Variants in PLXNC1 observed in about 807,000 individuals in gnomAD.
PLXNC1 encodes plexin C1.
A neutral mutation model predicts 178.2 loss-of-function variants in PLXNC1; 75 were observed. The observed-to-expected ratio is 0.42, with a 90% confidence interval of 0.35 to 0.51. The LOEUF (loss-of-function observed/expected upper bound fraction) is 0.51, where lower values mean the gene tolerates loss of function less well. PLXNC1 is among the 20% of genes least tolerant of loss of function. PLXNC1 has a pLI of 0.02. For missense variants in PLXNC1, 1,503 were observed against 1,984.4 expected, an observed-to-expected ratio of 0.76 and a Z score of 4.61; for synonymous variants, 790 against 779.9, an observed-to-expected ratio of 1.01 and a Z score of -0.22.
intron 9 of PLXNC1, among the ~76,000 whole-genome samples, chr12:94,234,577 A>G (rs1020511642): frequency 6.6e-6 from 1 of 152,194 alleles, no homozygotes; most frequent in African/African-American, 2.4e-5. Context: ...GAAGCACACT[A>G]TTCTGAGGTT....
intron 23 of PLXNC1, among the ~76,000 whole-genome samples, chr12:94,282,620 T>C (rs1368993303): frequency 6.6e-6 from 1 of 152,222 alleles, no homozygotes; most frequent in Non-Finnish European, 1.5e-5. Flanking sequence ...AGGCTATGAT[T>C]TTCTATCTCC....
chr12:94,233,490 A>C (rs1053096170), intron 9 of PLXNC1, among the ~76,000 whole-genome samples: 4 of 152,236 alleles, frequency 2.6e-5, no homozygotes, highest in Non-Finnish European at 5.9e-5. Context: ...TTGGCAGCCA[A>C]GTCAGCCTCC....
chr12:94,294,257 CT>C (rs1405110289), intron 23 of PLXNC1, among the ~76,000 whole-genome samples: 1 of 152,168 alleles, frequency 6.6e-6, no homozygotes, highest in African/African-American at 2.4e-5. Context: ...CTCCCATGGC[CT>C]CATCAGCCTC....
At chr12:94,209,465 C>T in intron 4 of PLXNC1, 125 bp from the exon 5 acceptor site, 4 of 656,680 alleles carry the variant, frequency 6.1e-6, no homozygotes, top group South Asian at 5.5e-5. Context: ...CAATAATCCA[C>T]TGTACAAGGT....
At position 94,279,300 on chromosome 12, in the gene PLXNC1, C is replaced by T. The variant is rs144871030; in HGVS notation, c.3598-172C>T. Among the ~76,000 whole-genome samples the T allele has an allele frequency of 5.2e-3, 797 of 152,170 alleles. 3 individuals carry two copies. Among genetic ancestry groups the T allele is most frequent in the Non-Finnish European group, 7.8e-3 (529 of 68,006 alleles). On this transcript the variant is annotated intron_variant, in intron 21 of 30. Coordinates refer to ENST00000258526, the MANE Select transcript of PLXNC1 (RefSeq NM_005761.3). Reference sequence around the variant, plus strand: ...ACTTTCTGTTTTCCCTTCCATTATCCCTGAAAAGAATGGATTATGGAGAAA... The same window carrying T: ...ACTTTCTGTTTTCCCTTCCATTATCTCTGAAAAGAATGGATTATGGAGAAA...
At chr12:94,281,150 A>G (rs1287662002) in intron 22 of PLXNC1, among the ~76,000 whole-genome samples, 2 of 152,190 alleles carry the variant, frequency 1.3e-5, no homozygotes, top group East Asian at 3.8e-4. Flanking sequence ...ATGGTGGTGC[A>G]CACCTGTGGT....
intron 4 of PLXNC1, among the ~76,000 whole-genome samples, chr12:94,190,620 A>G (rs750623043): frequency 6.6e-5 from 10 of 152,122 alleles, no homozygotes; most frequent in African/African-American, 1.9e-4. Flanking sequence ...AATCCAAATC[A>G]GATTATGTCA....
rs1968917322 is a variant in PLXNC1 at position 94,305,550 on chromosome 12, C to A, written c.*265C>A. On this transcript the variant is annotated 3_prime_UTR_variant, in exon 31 of 31. Coordinates refer to ENST00000258526, the MANE Select transcript of PLXNC1 (RefSeq NM_005761.3). ...CTCCTTGTTTACAGAGAATACAAGG[C>A]CAGTAAGCGAATGTCAGTATTGTAA... 1 of 383,984 alleles carries A rather than the reference C, an allele frequency of 2.6e-6. No homozygotes were observed. Among genetic ancestry groups the A allele is most frequent in the Non-Finnish European group, 4.7e-6 (1 of 211,372 alleles). The allele number at this position is 383,984 out of a possible 1,614,324, so 23.8% of individuals were successfully genotyped here.
At chr12:94,238,224 A>G (rs2136048271) in intron 10 of PLXNC1, among the ~76,000 whole-genome samples, 2 of 152,338 alleles carry the variant, frequency 1.3e-5, no homozygotes, top group African/African-American at 4.8e-5. Context: ...TTGAAAAAAC[A>G]AAACCTCTTG....
At chr12:94,232,804 T>C (rs1201522080) in intron 9 of PLXNC1, among the ~76,000 whole-genome samples, 1 of 152,204 alleles carries the variant, frequency 6.6e-6, no homozygotes, top group East Asian at 1.9e-4. Context: ...GAGCTCAGAG[T>C]ATCTAAGCCT....
intron 5 of PLXNC1, among the ~76,000 whole-genome samples, chr12:94,218,282 A>G (rs570797646): frequency 2.0e-5 from 3 of 152,064 alleles, no homozygotes; most frequent in Non-Finnish European, 2.9e-5. Context: ...GCATGATAAT[A>G]TGGCCAGAAC....
intron 1 of PLXNC1, among the ~76,000 whole-genome samples, chr12:94,154,874 A>C (rs927548573): frequency 6.6e-6 from 1 of 152,224 alleles, no homozygotes; most frequent in Non-Finnish European, 1.5e-5. Flanking sequence ...CATACCTAGC[A>C]TAGTACCCAG....
At chr12:94,275,929 C>A (rs927410036) in intron 21 of PLXNC1, among the ~76,000 whole-genome samples, 5 of 147,980 alleles carry the variant, frequency 3.4e-5, no homozygotes, top group African/African-American at 1.2e-4. Context: ...AAAATGAACA[C>A]ATATCAATTT....
Position 94,220,141 on chromosome 12 carries a change from C to G in PLXNC1, c.1680C>G (p.Ile560Met), listed in dbSNP as rs1195106064. ...SQPNRTCTCS[I>M]PTRATYKDVS... The stretch of plus-strand genomic sequence containing the variant: ...CCAACCGGACCTGCACCTGTAGCAT[C>G]CCAACCAGAGCAACCTACAAAGGTA... Residue 560 changes from isoleucine to methionine, a missense_variant, in exon 6 of 31, where the codon ATC becomes ATG. Physicochemically the swap from Ile to Met is conservative, Grantham distance 10. Around this residue, in one of 4 missense-constraint regions of PLXNC1, gnomAD observed 615 missense variants for 698.6 expected, o/e 0.88. Transcript: ENST00000258526. 6.2e-7 allele frequency: 1 copy of G among 1,613,868 alleles called. No homozygotes were observed. Among genetic ancestry groups the G allele is most frequent in the Non-Finnish European group, 8.5e-7 (1 of 1,179,938 alleles).
rs1017790808 is a variant in PLXNC1, at chr12:94,150,060, G to T, written c.1062+27G>T. 5 of 1,525,820 alleles carry T rather than the reference G, an allele frequency of 3.3e-6. No homozygotes were observed. In the African/African-American group the frequency reaches 4.3e-5, roughly 13 times the overall value. The allele number at this position is 1,525,820 out of a possible 1,614,324, so 94.5% of individuals were successfully genotyped here. On this transcript the variant is annotated intron_variant, in intron 1 of 30. Coordinates refer to ENST00000258526, the MANE Select transcript of PLXNC1 (RefSeq NM_005761.3). ...TAAGTCCTGCCCCCGGGGCGCCGCG[G>T]AGAGCGCTGCTGCCGGGGAGCCGCC...
chr12:94,298,347 G>T (rs1203461143), intron 26 of PLXNC1, among the ~76,000 whole-genome samples: 1 of 152,280 alleles, frequency 6.6e-6, no homozygotes, highest in African/African-American at 2.4e-5. Context: ...CCCTACAACT[G>T]ACATTTCAAC....
At position 94,177,175 on chromosome 12, in the gene PLXNC1, ACG is replaced by A. The variant is rs1467644815; in HGVS notation, c.1204-4270_1204-4269del. Among the ~76,000 whole-genome samples the A allele has an allele frequency of 8.1e-3, 373 of 46,170 alleles. 1 individual carries two copies. The highest frequency in any genetic ancestry group is 0.028 in the African/African-American group (220 of 7,992). The allele number at this position is 46,170 out of a possible 152,430, so 30.3% of individuals were successfully genotyped here. A position where few individuals can be genotyped will look rare whatever the true frequency, so the allele number is the denominator to read the frequency against. On this transcript the variant is annotated intron_variant, in intron 2 of 30. Transcript: ENST00000258526. ...TATATATATATGTATATATATATAT[ACG>A]TATATATATGTATATATATATACGT...
intron 9 of PLXNC1, among the ~76,000 whole-genome samples, chr12:94,231,203 G>C (rs754066728): frequency 5.3e-5 from 8 of 152,158 alleles, no homozygotes; most frequent in Non-Finnish European, 1.0e-4. Flanking sequence ...TTGATTGCTG[G>C]AGATGGCATT....
intron 3 of PLXNC1, among the ~76,000 whole-genome samples, chr12:94,182,586 G>A (rs1028341777): frequency 2.6e-5 from 4 of 151,574 alleles, no homozygotes; most frequent in East Asian, 1.9e-4. Flanking sequence ...TTAGCTGGGC[G>A]TGGTGGTGCA....
Sources: allele counts gnomAD v4.1 joint callset (sites outside exome capture counted in the v4.1 genomes callset), GRCh38; gene constraint gnomAD v4.1.1; regional missense constraint gnomAD v4.1.1; transcripts MANE v1.5; gene names NCBI Gene and HGNC (gene_info 2026-07-23, HGNC 2026-07-21).